ANKRD12: variants seen among roughly 807,000 people sequenced by gnomAD.
ANKRD12 encodes ankyrin repeat domain-containing protein 12.
ANKRD12 carries 85 observed loss-of-function variants against 183.4 expected under a neutral mutation model. The ratio of observed to expected loss-of-function variants is 0.46; its 90% CI spans 0.39 to 0.56. The LOEUF (loss-of-function observed/expected upper bound fraction) is 0.56, where lower values mean the gene tolerates loss of function less well. Among genes scored for constraint, ANKRD12 ranks in the 20% least tolerant of loss-of-function variants. ANKRD12 has a pLI of 0.00. For synonymous variants in ANKRD12, 914 were observed against 800.2 expected (o/e 1.14, Z -2.40); for missense variants, 2,405 against 2,357.1 (o/e 1.02, Z -0.42).
chr18:9,269,149 A>T (rs982687345), intron 10 of ANKRD12, among the ~76,000 whole-genome samples: 7 of 152,218 alleles, frequency 4.6e-5, no homozygotes, highest in African/African-American at 1.4e-4. Context: ...GAACATTCCA[A>T]GCTCATGGGT....
chr18:9,161,283 C>T (rs1417979414), intron 1 of ANKRD12, among the ~76,000 whole-genome samples: 1 of 152,084 alleles, frequency 6.6e-6, no homozygotes, highest in Non-Finnish European at 1.5e-5. Flanking sequence ...TATCTGAAAA[C>T]TTAGTTGTGA....
chr18:9,160,680 T>G (rs1312605926), intron 1 of ANKRD12, among the ~76,000 whole-genome samples: 1 of 151,920 alleles, frequency 6.6e-6, no homozygotes, highest in African/African-American at 2.4e-5. Context: ...AAAAGTATTC[T>G]TCTTGCTTCT....
chr18:9,156,915 C>T (rs1215885000), intron 1 of ANKRD12, among the ~76,000 whole-genome samples: 1 of 152,152 alleles, frequency 6.6e-6, no homozygotes, highest in Non-Finnish European at 1.5e-5. Flanking sequence ...ATTGCACTTG[C>T]ACGAAGTGCC....
At chr18:9,164,188 A>C (rs899657525) in intron 1 of ANKRD12, among the ~76,000 whole-genome samples, 1 of 152,112 alleles carries the variant, frequency 6.6e-6, no homozygotes, top group Admixed American at 6.6e-5. Flanking sequence ...ATTTTGTGGT[A>C]TGTTCCTTCA....
chr18:9,256,730 C>A lies in ANKRD12; in HGVS notation c.3463C>A (p.Gln1155Lys), dbSNP rs1304811763. The A allele has an allele frequency of 6.2e-7, 1 of 1,612,000 alleles. No homozygotes were observed. Among genetic ancestry groups the A allele is most frequent in the South Asian group, 1.1e-5 (1 of 90,690 alleles). Reference protein sequence around the residue: ...EVTDAYTKEKQPKDAVSNRSQ... With the variant: ...EVTDAYTKEKKPKDAVSNRSQ... ...GACTGATGCATATACCAAGGAGAAA[C>A]AACCTAAAGATGCTGTAAGTAACAG... Residue 1155 changes from glutamine (Q) to lysine (K), a missense_variant, in exon 9 of 13, where the codon CAA becomes AAA. Coordinates refer to ENST00000262126, the MANE Select transcript of ANKRD12 (RefSeq NM_015208.5).
chr18:9,208,210 T>C lies in ANKRD12; in HGVS notation c.305-447T>C, dbSNP rs141364170. Among the ~76,000 whole-genome samples, 904 of 152,304 alleles carry C rather than the reference T, an allele frequency of 5.9e-3. 8 individuals are homozygous for C. The highest frequency in any genetic ancestry group is 0.021 in the African/African-American group (865 of 41,576). On this transcript the variant is annotated intron_variant, in intron 4 of 12. Coordinates refer to ENST00000262126, the MANE Select transcript of ANKRD12 (RefSeq NM_015208.5). The stretch of plus-strand genomic sequence containing the variant: ...AGACTTGTCTTAAATATTTAGCTCG[T>C]TGGAAGTTTGTATAAATCATTGCTG...
chr18:9,160,066 T>G (rs2031191204), intron 1 of ANKRD12, among the ~76,000 whole-genome samples: 1 of 151,916 alleles, frequency 6.6e-6, no homozygotes, highest in Admixed American at 6.6e-5. Flanking sequence ...GCTCAGGAGT[T>G]TGAGACCAGC....
intron 5 of ANKRD12, 63 bp downstream of exon 5, chr18:9,208,866 G>C (rs546885617): frequency 2.0e-5 from 27 of 1,366,612 alleles, no homozygotes; most frequent in African/African-American, 1.0e-4. Context: ...CTGTAGTCTC[G>C]TCTTAACAAT....
intron 1 of ANKRD12, 23 bp from the exon 2 acceptor site, chr18:9,182,359 C>A: frequency 3.0e-6 from 2 of 672,236 alleles, no homozygotes; most frequent in East Asian, 3.3e-5. Flanking sequence ...TTCAAATAAC[C>A]CTTATATATC....
intron 1 of ANKRD12, among the ~76,000 whole-genome samples, chr18:9,180,574 T>A (rs1466613854): frequency 1.3e-5 from 2 of 152,158 alleles, no homozygotes; most frequent in Non-Finnish European, 2.9e-5. Context: ...TTAATTTACC[T>A]AGTGTGATTT....
Position 9,254,670 on chromosome 18 carries a change from A to G in ANKRD12, c.1403A>G (p.Gln468Arg). ...KEYVVSGEHK[Q>R]KGKVKRKLKN... ...TATGTAGTTTCAGGTGAACACAAAC[A>G]GAAAGGCAAAGTTAAAAGAAAATTG... Residue 468 changes from glutamine to arginine, a missense_variant, in exon 9 of 13, where the codon CAG (glutamine) becomes CGG (arginine). Physicochemically the swap from Gln to Arg is conservative, Grantham distance 43. Transcript: ENST00000262126. 6.5e-7 allele frequency: 1 copy of G among 1,545,210 alleles called. No individual in the cohort carries two copies. The highest frequency in any genetic ancestry group is 8.7e-7 in the Non-Finnish European group (1 of 1,149,482).
intron 11 of ANKRD12, 98 bp downstream of exon 11, chr18:9,275,765 A>C: frequency 3.2e-6 from 4 of 1,236,904 alleles, no homozygotes; most frequent in East Asian, 2.5e-5. Context: ...TGAACTCAAC[A>C]ATCATTAAAG....
chr18:9,266,860 T>C lies in ANKRD12; in HGVS notation c.5763+2972T>C, dbSNP rs569422281. Among the ~76,000 whole-genome samples, 725 of 152,254 alleles carry C rather than the reference T, an allele frequency of 4.8e-3. 1 individual carries two copies. Among genetic ancestry groups the C allele is most frequent in the African/African-American group, 0.016 (673 of 41,522 alleles). On this transcript the variant is annotated intron_variant, in intron 10 of 12. Coordinates refer to ENST00000262126, the MANE Select transcript of ANKRD12 (RefSeq NM_015208.5). ...AGTCAAGACCCATCAGTGTGCTGTATTCAGGAAACCCATCTCACGTGCAGA... is the reference window on the plus strand; with the variant it reads ...AGTCAAGACCCATCAGTGTGCTGTACTCAGGAAACCCATCTCACGTGCAGA...
chr18:9,187,957 A>T (rs539437980), intron 2 of ANKRD12, among the ~76,000 whole-genome samples: 57 of 152,360 alleles, frequency 3.7e-4, no homozygotes, highest in African/African-American at 1.4e-3. Flanking sequence ...AAGTATTATA[A>T]TACATGTTTG....
intron 3 of ANKRD12, 99 bp from the exon 4 acceptor site, chr18:9,204,377 C>G: frequency 1.2e-6 from 1 of 804,628 alleles, no homozygotes; most frequent in East Asian, 2.6e-5. Context: ...ACAATAATAG[C>G]TTATTAACTG....
At chr18:9,167,175 G>T (rs1488934945) in intron 1 of ANKRD12, among the ~76,000 whole-genome samples, 3 of 152,112 alleles carry the variant, frequency 2.0e-5, no homozygotes, top group African/African-American at 7.2e-5. Context: ...TGTTCTTTAG[G>T]CTTAGGATTG....
At chr18:9,174,607 G>T (rs1157003004) in intron 1 of ANKRD12, among the ~76,000 whole-genome samples, 4 of 152,212 alleles carry the variant, frequency 2.6e-5, no homozygotes, top group Admixed American at 2.6e-4. Flanking sequence ...GGGGGTGGGG[G>T]TTCCTTTGGC....
intron 8 of ANKRD12, among the ~76,000 whole-genome samples, chr18:9,247,594 C>T (rs1366640149): frequency 1.3e-5 from 2 of 151,980 alleles, no homozygotes; most frequent in East Asian, 3.9e-4. Context: ...TTCTAATTGC[C>T]TCGTAAAATA....
At chr18:9,187,896 T>G (rs1567894133) in intron 2 of ANKRD12, among the ~76,000 whole-genome samples, 4 of 152,266 alleles carry the variant, frequency 2.6e-5, no homozygotes, top group African/African-American at 9.6e-5. Flanking sequence ...AGTTCAGACA[T>G]TCATTATTTC....
Sources: gnomAD v4.1 joint callset for allele counts (sites outside exome capture counted in the v4.1 genomes callset) on GRCh38, gnomAD v4.1.1 for gene constraint, MANE v1.5 for transcripts, NCBI Gene and HGNC (gene_info 2026-07-23, HGNC 2026-07-21) for gene names.